Variants in ZNF721 observed in about 807,000 individuals in gnomAD.
ZNF721 encodes the protein zinc finger protein 721.
Under a neutral mutation model 2.4 loss-of-function variants are expected in ZNF721, and 2 were observed. The observed-to-expected ratio is 0.82, with a 90% CI of 0.34 to 2.58. The LOEUF (loss-of-function observed/expected upper bound fraction) is 2.58, where lower values mean the gene tolerates loss of function less well. Ranked by LOEUF, ZNF721 falls within the 30% of genes most tolerant of loss-of-function variation. The pLI is 0.11. For missense variants in ZNF721, 1,187 were observed against 1,085.5 expected (o/e 1.09, Z -1.31); for synonymous variants, 398 against 381.8 (o/e 1.04, Z -0.50).
At chr4:489,755 G>A (rs782010854) in intron 1 of ZNF721, among the ~76,000 whole-genome samples, 1 of 152,186 alleles carries the variant, frequency 6.6e-6, no homozygotes, top group Non-Finnish European at 1.5e-5. Flanking sequence ...AAAATGTGCT[G>A]CAAATGTAAA....
intron 1 of ZNF721, among the ~76,000 whole-genome samples, chr4:485,975 A>AAAATAAAT (rs563086296): frequency 2.6e-5 from 4 of 151,848 alleles, no homozygotes; most frequent in African/African-American, 9.7e-5. Flanking sequence ...CTCCATCTAA[A>AAAATAAAT]AAATAAATAA....
chr4:476,464 T>C (rs1189773591), intron 1 of ZNF721, among the ~76,000 whole-genome samples: 1 of 152,248 alleles, frequency 6.6e-6, no homozygotes, highest in Non-Finnish European at 1.5e-5. Context: ...CCCTGCAAAC[T>C]GGACCAGAAC....
chr4:458,574 T>G (rs1553865671), intron 2 of ZNF721, among the ~76,000 whole-genome samples: 1 of 152,112 alleles, frequency 6.6e-6, no homozygotes, highest in Non-Finnish European at 1.5e-5. Context: ...AAGCCAGGCG[T>G]GGTAGCTCAC....
chr4:465,454 C>CG (rs1553866641), intron 2 of ZNF721, among the ~76,000 whole-genome samples: 12 of 146,516 alleles, frequency 8.2e-5, no homozygotes, highest in African/African-American at 2.8e-4. Context: ...TTTTTTGAGA[C>CG]GGAGTCTCAC....
intron 2 of ZNF721, among the ~76,000 whole-genome samples, chr4:459,063 T>C: frequency 6.6e-6 from 1 of 152,148 alleles, no homozygotes; most frequent in Non-Finnish European, 1.5e-5. Context: ...CCAAGCTTCA[T>C]AAGCGAAGGA....
At chr4:488,607 G>GGA (rs1440155790) in intron 1 of ZNF721, among the ~76,000 whole-genome samples, 1 of 152,062 alleles carries the variant, frequency 6.6e-6, no homozygotes, top group Non-Finnish European at 1.5e-5. Context: ...CGAGGCAGGC[G>GGA]GATCACAAGG....
chr4:441,324 T>C lies in ZNF721; in HGVS notation c.*371A>G, dbSNP rs1042176113. 9.7e-5 allele frequency: 17 copies of C among 174,966 alleles called. No individual in the cohort carries two copies. The highest frequency in any genetic ancestry group is 3.6e-4 in the African/African-American group (15 of 41,978). 10.8% of individuals were successfully genotyped at this position (174,966 alleles called of 1,614,324 possible). Reference sequence around the variant, plus strand: ...CAAGTAGTCTCACATATAAATACTATCATGTGCAAAAATGCTAAGCATTGG... The same window carrying C: ...CAAGTAGTCTCACATATAAATACTACCATGTGCAAAAATGCTAAGCATTGG... On this transcript the variant is annotated 3_prime_UTR_variant, in exon 3 of 3. Coordinates refer to ENST00000511833, the MANE Select transcript of ZNF721 (RefSeq NM_133474.4).
chr4:499,105 G>A lies in ZNF721; in HGVS notation c.-143C>T. On this transcript the variant is annotated 5_prime_UTR_variant, in exon 1 of 3. Transcript: ENST00000511833. ...GGACTCGCCGGGAAGACGGCCCCAC[G>A]GAGCCGGGAACACCGCCCGCTGTTC... 5.5e-6 allele frequency: 3 copies of A among 546,644 alleles called. No individual in the cohort carries two copies. The highest frequency in any genetic ancestry group is 6.3e-6 in the Non-Finnish European group (2 of 316,000). The allele number at this position is 546,644 out of a possible 1,614,324, so 33.9% of individuals were successfully genotyped here. A position where few individuals can be genotyped will look rare whatever the true frequency, so the allele number is the denominator to read the frequency against.
In ZNF721 at chr4:441,786, G is replaced by T; in HGVS notation, c.2681C>A (p.Thr894Lys). The change falls in exon 3 of 3, where the codon ACG becomes AAG. Residue 894 changes from threonine to lysine, a missense_variant. Coordinates refer to ENST00000511833, the MANE Select transcript of ZNF721 (RefSeq NM_133474.4). ...AAAGGTTTTGCCACAGTCTCCACACGTGTAGGGTTTCTCTCCAGTATGAAT... is the reference window on the plus strand; with the variant it reads ...AAAGGTTTTGCCACAGTCTCCACACTTGTAGGGTTTCTCTCCAGTATGAAT... ...KKIHTGEKPY[T>K]CGDCGKTFRQ... The T allele has an allele frequency of 1.9e-6, 3 of 1,613,462 alleles. No homozygotes were observed. The highest frequency in any genetic ancestry group is 2.5e-6 in the Non-Finnish European group (3 of 1,179,828).
chr4:483,015 CTGATT>C (rs1715806216), intron 1 of ZNF721, among the ~76,000 whole-genome samples: 2 of 152,046 alleles, frequency 1.3e-5, no homozygotes, highest in East Asian at 1.9e-4. Flanking sequence ...TACAGATGTA[CTGATT>C]TGTCAGACAG....
rs35860173 is a variant in ZNF721 at position 495,455 on chromosome 4, C to CTTT, written c.-94+3598_-94+3600dup. Among the ~76,000 whole-genome samples the CTTT allele has an allele frequency of 4.7e-4, 66 of 140,402 alleles. 1 individual carries two copies. The highest frequency in any genetic ancestry group is 1.0e-3 in the African/African-American group (38 of 38,078). 92.1% of individuals were successfully genotyped at this position (140,402 alleles called of 152,430 possible). The stretch of plus-strand genomic sequence containing the variant: ...CTTGGATGTTAGCCTTTAAAATTGA[C>CTTT]TTTTTTTTTTTTTTTGAGATGGAAT... On this transcript the variant is annotated intron_variant, in intron 1 of 2. Transcript: ENST00000511833.
rs1241878374 is a variant in ZNF721 at position 441,737 on chromosome 4, T to C, written c.2730A>G (p.Ala910=). 2 of 1,613,154 alleles carry C rather than the reference T, an allele frequency of 1.2e-6. No individual in the cohort carries two copies. Among genetic ancestry groups the C allele is most frequent in the Admixed American group, 1.7e-5 (1 of 59,896 alleles). The part of the protein sequence containing the change: ...KTFRQSANLY[A]HKKIHTGDKT... ...TATCTCCAGTATGAATTTTCTTATGTGCATAAAGATTTGCAGACTGTCTAA... is the reference window on the plus strand; with the variant it reads ...TATCTCCAGTATGAATTTTCTTATGCGCATAAAGATTTGCAGACTGTCTAA... The change falls in exon 3 of 3, where the codon GCA becomes GCG. Residue 910 remains alanine, a synonymous_variant. Transcript: ENST00000511833.
intron 2 of ZNF721, among the ~76,000 whole-genome samples, chr4:455,222 T>C (rs1714809389): frequency 6.6e-6 from 1 of 152,208 alleles, no homozygotes; most frequent in Non-Finnish European, 1.5e-5. Context: ...AGATATTGTG[T>C]GTGTGTCTTT....
chr4:471,728 C>T (rs1715441887), intron 2 of ZNF721, among the ~76,000 whole-genome samples: 1 of 152,018 alleles, frequency 6.6e-6, no homozygotes, highest in Non-Finnish European at 1.5e-5. Context: ...TGCTAGGACA[C>T]TAGGCCTTAA....
At position 440,652 on chromosome 4, in the gene ZNF721, T is replaced by C. The variant is rs1553862968; in HGVS notation, c.*1043A>G. On this transcript the variant is annotated 3_prime_UTR_variant, in exon 3 of 3. Transcript: ENST00000511833. ...ACAAATTATATTCTAGTAAAAATTC[T>C]CTGGTGTTTCTTTTCTTTTTATCTT... 6.6e-6 allele frequency: 1 copy of C among 152,198 alleles called. No individual in the cohort carries two copies. Among genetic ancestry groups the C allele is most frequent in the Non-Finnish European group, 1.5e-5 (1 of 68,042 alleles). 9.4% of individuals were successfully genotyped at this position (152,198 alleles called of 1,614,324 possible).
intron 1 of ZNF721, among the ~76,000 whole-genome samples, chr4:493,394 C>T (rs1019359209): frequency 6.6e-6 from 1 of 152,148 alleles, no homozygotes. Flanking sequence ...GTATGGTAAT[C>T]TAGGCCAGAT....
In ZNF721 at chr4:452,465, G is replaced by C. The variant is rs1277738129; in HGVS notation, c.35-8033C>G. On this transcript the variant is annotated intron_variant, in intron 2 of 2. Transcript: ENST00000511833. ...TGGAGACATCATATGCCCCACATGG[G>C]TAACATTTTACAACCTCTGCGTGCA... Among the ~76,000 whole-genome samples the C allele has an allele frequency of 1.3e-5, 2 of 152,150 alleles. 1 individual carries two copies. Among genetic ancestry groups the C allele is most frequent in the African/African-American group, 4.8e-5 (2 of 41,444 alleles).
chr4:479,860 T>A lies in ZNF721; in HGVS notation c.-93-7159A>T, dbSNP rs565904573. ...TCTGATTTAAAACATCTGCCCTTCA[T>A]GTGTGCACATATCCATTTGGAAATC... On this transcript the variant is annotated intron_variant, in intron 1 of 2. Transcript: ENST00000511833. Among the ~76,000 whole-genome samples the A allele has an allele frequency of 2.7e-3, 417 of 152,390 alleles. 4 individuals are homozygous for A. Among genetic ancestry groups the A allele is most frequent in the African/African-American group, 9.6e-3 (401 of 41,592 alleles).
chr4:470,924 C>G (rs1560237448), intron 2 of ZNF721, among the ~76,000 whole-genome samples: 3 of 151,522 alleles, frequency 2.0e-5, no homozygotes, highest in South Asian at 2.1e-4. Flanking sequence ...TGCTTGAACC[C>G]AGGAGGCGGA....
Sources: allele counts gnomAD v4.1 joint callset (sites outside exome capture counted in the v4.1 genomes callset), GRCh38; gene constraint gnomAD v4.1.1; transcripts MANE v1.5; gene names NCBI Gene and HGNC (gene_info 2026-07-23, HGNC 2026-07-21).